ADAMTSL1: variants seen among roughly 807,000 people sequenced by gnomAD.
ADAMTSL1 encodes ADAMTS like 1.
A neutral mutation model predicts 201.8 loss-of-function variants in ADAMTSL1; 126 were observed. The observed-to-expected ratio is 0.62, with a 90% CI of 0.54 to 0.72. The LOEUF (loss-of-function observed/expected upper bound fraction) is 0.72, where lower values mean the gene tolerates loss of function less well. ADAMTSL1 is among the 30% of genes least tolerant of loss of function. The pLI is 0.00. For missense variants in ADAMTSL1, 2,679 were observed against 2,277.8 expected (o/e 1.18, Z -3.59); for synonymous variants, 1,121 against 903.4 (o/e 1.24, Z -4.32).
chr9:18,145,939 G>T (rs1226722844), intron 1 of ADAMTSL1, among the ~76,000 whole-genome samples: 1 of 152,086 alleles, frequency 6.6e-6, no homozygotes, highest in Non-Finnish European at 1.5e-5. Flanking sequence ...AATAGACACT[G>T]CATCAAAGAG....
chr9:18,145,300 G>A (rs1030647156), intron 1 of ADAMTSL1, among the ~76,000 whole-genome samples: 4 of 152,194 alleles, frequency 2.6e-5, no homozygotes, highest in African/African-American at 9.6e-5. Context: ...ATTTGTTTTC[G>A]GTTCTTTGAG....
rs564579914 is a variant in ADAMTSL1 at position 18,504,495 on chromosome 9, A to C, written c.64-334A>C. The stretch of plus-strand genomic sequence containing the variant: ...CTTCTTTCCTTTCACTAAGAGATGA[A>C]GAGTACACTCATGAACCCTGAGCAA... On this transcript the variant is annotated intron_variant, in intron 1 of 28. Transcript: ENST00000380548. 5.9e-5 allele frequency among the ~76,000 whole-genome samples: 9 copies of C among 152,320 alleles called. No individual in the cohort carries two copies. The South Asian group carries it at 1.2e-3, about 21-fold the overall frequency.
chr9:18,579,810 AT>A (rs1437472374), intron 4 of ADAMTSL1, among the ~76,000 whole-genome samples: 1 of 152,210 alleles, frequency 6.6e-6, no homozygotes, highest in African/African-American at 2.4e-5. Flanking sequence ...GATCAGTTCT[AT>A]TAGTACTGCT....
At chr9:18,306,991 ATC>A (rs894337017) in intron 2 of ADAMTSL1, among the ~76,000 whole-genome samples, 18 of 152,236 alleles carry the variant, frequency 1.2e-4, no homozygotes, top group Admixed American at 1.2e-3. Context: ...CTAACAGTGG[ATC>A]TCTCTGCAGA....
chr9:18,270,733 A>G (rs560988520), intron 2 of ADAMTSL1, among the ~76,000 whole-genome samples: 2 of 152,346 alleles, frequency 1.3e-5, no homozygotes, highest in South Asian at 4.1e-4. Flanking sequence ...CCCCTTCCAC[A>G]AGAGTTGTCA....
chr9:18,853,884 ACT>A (rs1006513440), intron 23 of ADAMTSL1, among the ~76,000 whole-genome samples: 4 of 69,796 alleles, frequency 5.7e-5, no homozygotes, highest in South Asian at 7.0e-4. Flanking sequence ...ACTTGTATTC[ACT>A]CTCTGTGTGT....
At chr9:18,531,981 C>G (rs773977583) in intron 2 of ADAMTSL1, among the ~76,000 whole-genome samples, 1 of 152,140 alleles carries the variant, frequency 6.6e-6, no homozygotes, top group Non-Finnish European at 1.5e-5. Context: ...TGATGGTACT[C>G]TATCTCTCCG....
chr9:18,894,530 C>T (rs1426063066), intron 26 of ADAMTSL1, among the ~76,000 whole-genome samples: 2 of 151,884 alleles, frequency 1.3e-5, no homozygotes, highest in African/African-American at 4.8e-5. Context: ...GCATGGCTTC[C>T]ATGATCCATT....
intron 15 of ADAMTSL1, among the ~76,000 whole-genome samples, chr9:18,738,681 A>G (rs1818654245): frequency 6.6e-6 from 1 of 152,194 alleles, no homozygotes; most frequent in Non-Finnish European, 1.5e-5. Context: ...CAACTAGAAA[A>G]TTCTCTGTGG....
At chr9:18,490,097 A>C (rs1409649686) in intron 1 of ADAMTSL1, among the ~76,000 whole-genome samples, 1 of 152,130 alleles carries the variant, frequency 6.6e-6, no homozygotes, top group Non-Finnish European at 1.5e-5. Flanking sequence ...CCTGTCCCAA[A>C]CCATCATTCC....
chr9:17,948,745 G>T (rs1827612281), intron 1 of ADAMTSL1, among the ~76,000 whole-genome samples: 1 of 152,174 alleles, frequency 6.6e-6, no homozygotes, highest in South Asian at 2.1e-4. Flanking sequence ...AAACCATCCT[G>T]GTTTAGGTTA....
chr9:18,268,589 A>T (rs530062817), intron 2 of ADAMTSL1, among the ~76,000 whole-genome samples: 2 of 152,276 alleles, frequency 1.3e-5, no homozygotes, highest in East Asian at 1.9e-4. Context: ...ACTCCGGGGA[A>T]TATGTTCTTC....
chr9:18,210,520 A>AATAT (rs957281291), intron 2 of ADAMTSL1, among the ~76,000 whole-genome samples: 3 of 138,018 alleles, frequency 2.2e-5, no homozygotes, highest in African/African-American at 7.5e-5. Flanking sequence ...TATATTAATA[A>AATAT]ATATATATAT....
At chr9:18,596,235 T>A (rs894610108) in intron 4 of ADAMTSL1, among the ~76,000 whole-genome samples, 2 of 152,192 alleles carry the variant, frequency 1.3e-5, no homozygotes, top group East Asian at 3.8e-4. Context: ...TGTTATACCA[T>A]CATGTCTTTA....
At chr9:18,315,746 C>G (rs1056811387) in intron 2 of ADAMTSL1, among the ~76,000 whole-genome samples, 1 of 152,324 alleles carries the variant, frequency 6.6e-6, no homozygotes, top group East Asian at 1.9e-4. Flanking sequence ...GGAGCTAGCT[C>G]CGGCCTCAGC....
rs555530893 is a variant in ADAMTSL1 at position 18,452,535 on chromosome 9, T to C, written c.208-52294T>C. 2.6e-5 allele frequency among the ~76,000 whole-genome samples: 4 copies of C among 152,320 alleles called. No individual in the cohort carries two copies. In the South Asian group the frequency reaches 8.3e-4, roughly 32 times the overall value. ...AGTCCAAAGTCTAATCTAAATCAGA[T>C]GTAGATGAAACTCCAGGCATGATTC... On this transcript the variant is annotated intron_variant, in intron 2 of 29. Coordinates refer to the ADAMTSL1 transcript ENST00000680146.
At chr9:18,287,629 A>ATGTG (rs375588101) in intron 2 of ADAMTSL1, among the ~76,000 whole-genome samples, 38,435 of 139,798 alleles carry the variant, frequency 0.27, 6,835 homozygotes, top group African/African-American at 0.48. Flanking sequence ...GTATACATAT[A>ATGTG]CGCATATATG....
In ADAMTSL1 at chr9:18,908,762, AAGGAC is replaced by A. The variant is rs1235057704; in HGVS notation, c.*217_*221del. The A allele has an allele frequency of 5.9e-6, 3 of 509,866 alleles. No individual in the cohort carries two copies. The highest frequency in any genetic ancestry group is 7.2e-5 in the East Asian group (2 of 27,664). The allele number at this position is 509,866 out of a possible 1,614,324, so 31.6% of individuals were successfully genotyped here. A position where few individuals can be genotyped will look rare whatever the true frequency, so the allele number is the denominator to read the frequency against. On this transcript the variant is annotated 3_prime_UTR_variant, in exon 29 of 29. Coordinates refer to ENST00000380548, the MANE Select transcript of ADAMTSL1 (RefSeq NM_001040272.6). ...TGGAGGACAGGATGTTGGGAAAGGA[AAGGAC>A]AGATGTCTAAAGGAGGTTGCAGAGC...
At chr9:18,300,025 A>C (rs1833637668) in intron 2 of ADAMTSL1, among the ~76,000 whole-genome samples, 1 of 152,240 alleles carries the variant, frequency 6.6e-6, no homozygotes, top group Non-Finnish European at 1.5e-5. Flanking sequence ...AGTGTAAATT[A>C]GTTCAACCAT....
Sources: allele counts gnomAD v4.1 joint callset (sites outside exome capture counted in the v4.1 genomes callset), GRCh38; gene constraint gnomAD v4.1.1; transcripts MANE v1.5; gene names NCBI Gene and HGNC (gene_info 2026-07-23, HGNC 2026-07-21).